The following ENTREP2 variants were observed in gnomAD, a reference collection of about 807,000 sequenced individuals.
ENTREP2 encodes protein ENTREP2.
chr15:29,292,503 C>T, the ENTREP2 span, among the ~76,000 whole-genome samples: 2 of 152,098 alleles, frequency 1.3e-5, no homozygotes, highest in Non-Finnish European at 2.9e-5. Flanking sequence ...GCCTCAGCCT[C>T]CCGAGTAGCT....
chr15:29,509,715 A>G, the ENTREP2 span, among the ~76,000 whole-genome samples: 1 of 152,208 alleles, frequency 6.6e-6, no homozygotes, highest in South Asian at 2.1e-4. Context: ...GAAAACTGAA[A>G]CTGGACCCCT....
chr15:29,295,598 A>G, the ENTREP2 span, among the ~76,000 whole-genome samples: 1 of 152,212 alleles, frequency 6.6e-6, no homozygotes, highest in Non-Finnish European at 1.5e-5. Context: ...TAAGAGAATA[A>G]CAATAGCTAT....
At chr15:29,660,680 G>A in the ENTREP2 span, among the ~76,000 whole-genome samples, 1 of 152,132 alleles carries the variant, frequency 6.6e-6, no homozygotes, top group Non-Finnish European at 1.5e-5. Context: ...AAGTAGTAGT[G>A]CAAATACACT....
the ENTREP2 span, among the ~76,000 whole-genome samples, chr15:29,228,267 C>G: frequency 9.1e-3 from 1,385 of 152,192 alleles, 21 homozygotes; most frequent in African/African-American, 0.031. Context: ...TGCAGTGAGC[C>G]AAGATCACGC....
At chr15:29,157,219 G>A in the ENTREP2 span, among the ~76,000 whole-genome samples, 2 of 152,152 alleles carry the variant, frequency 1.3e-5, no homozygotes, top group East Asian at 1.9e-4. Flanking sequence ...TGGGGCTGAC[G>A]ATGGAGATCA....
At chr15:29,484,998 A>ACTCACC in the ENTREP2 span, among the ~76,000 whole-genome samples, 2 of 152,200 alleles carry the variant, frequency 1.3e-5, no homozygotes, top group East Asian at 3.9e-4. Flanking sequence ...TAACCCCAAG[A>ACTCACC]CTCACCCTGC....
chr15:29,205,443 A>G, the ENTREP2 span, among the ~76,000 whole-genome samples: 1 of 152,178 alleles, frequency 6.6e-6, no homozygotes. Flanking sequence ...CCAAGAGTGT[A>G]CAAGGCTTCC....
chr15:29,561,761 CTTGGCAATCA>C, the ENTREP2 span, among the ~76,000 whole-genome samples: 660 of 151,946 alleles, frequency 4.3e-3, 3 homozygotes, highest in African/African-American at 0.015. Flanking sequence ...AAAATTATGA[CTTGGCAATCA>C]TCGTAGAGGA....
At chr15:29,559,493 A>G in the ENTREP2 span, among the ~76,000 whole-genome samples, 2 of 152,120 alleles carry the variant, frequency 1.3e-5, no homozygotes, top group African/African-American at 4.8e-5. Context: ...CACAGCTATC[A>G]TCCTACATTC....
At chr15:29,125,560 G>A in the ENTREP2 span, among the ~76,000 whole-genome samples, 1 of 152,188 alleles carries the variant, frequency 6.6e-6, no homozygotes, top group Non-Finnish European at 1.5e-5. Context: ...CCTCTTCAGG[G>A]TTCCTGCACT....
the ENTREP2 span, among the ~76,000 whole-genome samples, chr15:29,278,070 G>C: frequency 3.9e-5 from 6 of 152,322 alleles, no homozygotes; most frequent in Admixed American, 3.9e-4. Flanking sequence ...GGTGACTGTA[G>C]GAGTCCTGGG....
the ENTREP2 span, chr15:29,266,308 AGGTGGAGGGATT>A: frequency 4.6e-5 from 7 of 152,238 alleles, no homozygotes; most frequent in Non-Finnish European, 1.0e-4. Flanking sequence ...CAGGGGGTGA[AGGTGGAGGGATT>A]GGTAAACAAA....
chr15:29,395,528 T>G, the ENTREP2 span, among the ~76,000 whole-genome samples: 2 of 110,898 alleles, frequency 1.8e-5, no homozygotes, highest in Non-Finnish European at 3.8e-5. Context: ...TTTCTCTTTT[T>G]TCTTTCTTTT....
chr15:29,343,545 G>A, the ENTREP2 span, among the ~76,000 whole-genome samples: 1 of 151,152 alleles, frequency 6.6e-6, no homozygotes, highest in Non-Finnish European at 1.5e-5. Context: ...AATCAGGTGA[G>A]TCCATTCCTT....
At chr15:29,670,364 G>T in the ENTREP2 span, among the ~76,000 whole-genome samples, 1 of 152,168 alleles carries the variant, frequency 6.6e-6, no homozygotes, top group Non-Finnish European at 1.5e-5. Flanking sequence ...CAGAACAGTG[G>T]TTCCAGCGGT....
the ENTREP2 span, among the ~76,000 whole-genome samples, chr15:29,284,072 TGAG>T: frequency 6.6e-6 from 1 of 151,874 alleles, no homozygotes; most frequent in African/African-American, 2.4e-5. Context: ...TAATAGGAGT[TGAG>T]GGAGAAAACA....
the ENTREP2 span, among the ~76,000 whole-genome samples, chr15:29,357,090 G>A: frequency 6.6e-6 from 1 of 152,064 alleles, no homozygotes; most frequent in African/African-American, 2.4e-5. Flanking sequence ...TGCAGGTCAT[G>A]GTAAAAAACA....
At chr15:29,362,467 C>T in the ENTREP2 span, among the ~76,000 whole-genome samples, 4 of 150,452 alleles carry the variant, frequency 2.7e-5, no homozygotes, top group Non-Finnish European at 4.4e-5. Flanking sequence ...TTCCGCCTCC[C>T]GGGTTCAAGA....
the ENTREP2 span, among the ~76,000 whole-genome samples, chr15:29,327,638 C>T: frequency 1.3e-5 from 2 of 150,988 alleles, no homozygotes; most frequent in Admixed American, 6.6e-5. Context: ...CAAACATCAC[C>T]AAAGAAGATA....
Sources: gnomAD v4.1 joint callset for allele counts (sites outside exome capture counted in the v4.1 genomes callset) on GRCh38, gnomAD v4.1.1 for gene constraint, MANE v1.5 for transcripts, NCBI Gene and HGNC (gene_info 2026-07-23, HGNC 2026-07-21) for gene names.